Variants in TENM4 observed in about 807,000 individuals in gnomAD.
The protein encoded by TENM4 is teneurin-4.
Under a neutral mutation model 243.3 loss-of-function variants are expected in TENM4, and 82 were observed. The observed-to-expected ratio is 0.34, with a 90% CI of 0.28 to 0.40. The LOEUF (loss-of-function observed/expected upper bound fraction) is 0.40, where lower values mean the gene tolerates loss of function less well. TENM4 is among the 10% of genes least tolerant of loss of function. The pLI is 1.00. For synonymous variants in TENM4, 1,412 were observed against 1,456.3 expected (o/e 0.97, Z 0.69); for missense variants, 3,138 against 3,673.3 (o/e 0.85, Z 3.77).
chr11:79,347,359 T>G (rs1857342262), intron 1 of TENM4, among the ~76,000 whole-genome samples: 1 of 152,202 alleles, frequency 6.6e-6, no homozygotes, highest in African/African-American at 2.4e-5. Flanking sequence ...CTGCATTTTC[T>G]TAACCATTCA....
Position 78,866,857 on chromosome 11 carries a change from G to A in TENM4, c.1085-3725C>T, listed in dbSNP as rs875314. ...AGGAAACCTAGGGTCACCCAACCAA[G>A]GTTGGGCTGAGAAATGGCTACCTGG... On this transcript the variant is annotated intron_variant, in intron 9 of 33. Coordinates refer to ENST00000278550, the MANE Select transcript of TENM4 (RefSeq NM_001098816.3). Among the ~76,000 whole-genome samples the A allele has an allele frequency of 2.0e-5, 3 of 152,300 alleles. No individual in the cohort carries two copies. The South Asian group carries it at 6.2e-4, about 32-fold the overall frequency.
chr11:78,922,287 C>A (rs1045871947), intron 6 of TENM4, among the ~76,000 whole-genome samples: 2 of 152,194 alleles, frequency 1.3e-5, no homozygotes, highest in Admixed American at 6.5e-5. Flanking sequence ...AATAGGAGGG[C>A]AGCCTATACC....
intron 12 of TENM4, among the ~76,000 whole-genome samples, chr11:78,850,331 C>T (rs1259281991): frequency 6.6e-6 from 1 of 152,182 alleles, no homozygotes; most frequent in Non-Finnish European, 1.5e-5. Context: ...ACTCTGGATT[C>T]TGACATCTCA....
chr11:79,381,114 AG>A (rs1159671879), intron 1 of TENM4, among the ~76,000 whole-genome samples: 2 of 152,078 alleles, frequency 1.3e-5, no homozygotes, highest in Non-Finnish European at 2.9e-5. Context: ...TGATCCGTGC[AG>A]GTCAGATAGC....
chr11:79,152,449 C>G (rs938348223), intron 3 of TENM4, among the ~76,000 whole-genome samples: 16 of 152,164 alleles, frequency 1.1e-4, no homozygotes, highest in African/African-American at 3.6e-4. Context: ...GCAAATGAAG[C>G]CTCTAGGAAA....
chr11:78,990,594 G>C (rs894906368), intron 6 of TENM4, among the ~76,000 whole-genome samples: 1 of 152,142 alleles, frequency 6.6e-6, no homozygotes, highest in Non-Finnish European at 1.5e-5. Context: ...TTGCAGAGCA[G>C]CAAATAAAGT....
intron 29 of TENM4, among the ~76,000 whole-genome samples, chr11:78,684,376 T>C (rs1045582854): frequency 3.3e-5 from 5 of 152,224 alleles, no homozygotes; most frequent in Non-Finnish European, 7.3e-5. Context: ...AGTGAGATCA[T>C]GAATATGAAG....
At chr11:79,069,152 C>A (rs560684854) in intron 5 of TENM4, among the ~76,000 whole-genome samples, 1 of 152,160 alleles carries the variant, frequency 6.6e-6, no homozygotes, top group African/African-American at 2.4e-5. Context: ...GGAGAGGGAG[C>A]CAGGCACCAG....
intron 1 of TENM4, among the ~76,000 whole-genome samples, chr11:79,336,825 T>C (rs1318015992): frequency 6.6e-6 from 1 of 152,218 alleles, no homozygotes; most frequent in Non-Finnish European, 1.5e-5. Context: ...TGCTGGTCAG[T>C]GGCCCAGGAG....
intron 1 of TENM4, among the ~76,000 whole-genome samples, chr11:79,390,737 TCA>T (rs1401872089): frequency 3.9e-5 from 6 of 152,216 alleles, no homozygotes; most frequent in Non-Finnish European, 7.3e-5. Flanking sequence ...ATCTGTGACC[TCA>T]CTCCAAGATC....
intron 1 of TENM4, among the ~76,000 whole-genome samples, chr11:79,405,847 C>CA (rs763128589): frequency 0.079 from 5,396 of 68,556 alleles, 163 homozygotes; most frequent in East Asian, 0.13. Flanking sequence ...ATTGTGATTT[C>CA]AAAAAAAAAA....
At chr11:79,435,676 C>T (rs1297162156) in intron 1 of TENM4, among the ~76,000 whole-genome samples, 2 of 152,190 alleles carry the variant, frequency 1.3e-5, no homozygotes, top group African/African-American at 4.8e-5. Flanking sequence ...TAGACCAGGA[C>T]AGGGGCTGAG....
chr11:79,046,447 C>A (rs1473668123), intron 6 of TENM4, among the ~76,000 whole-genome samples: 1 of 149,364 alleles, frequency 6.7e-6, no homozygotes, highest in African/African-American at 2.6e-5. Flanking sequence ...GATGAACTCT[C>A]CCCCCCAAAA....
chr11:78,888,271 ATATAGCCCCAG>A (rs1855588240), intron 9 of TENM4, among the ~76,000 whole-genome samples: 1 of 152,262 alleles, frequency 6.6e-6, no homozygotes. Context: ...TTGAGCCTAA[ATATAGCCCCAG>A]TATCTTCCTC....
At chr11:78,684,377 G>T (rs536394972) in intron 29 of TENM4, among the ~76,000 whole-genome samples, 1 of 152,370 alleles carries the variant, frequency 6.6e-6, no homozygotes, top group South Asian at 2.1e-4. Context: ...GTGAGATCAT[G>T]AATATGAAGA....
chr11:78,658,186 C>A lies in TENM4; in HGVS notation c.8182G>T (p.Val2728Leu). ...CCTTGCACCCGCCCTGTGCTCAGCACCTGCTGCTTCTCCCCCTCTGTCCAG... is the reference window on the plus strand; with the variant it reads ...CCTTGCACCCGCCCTGTGCTCAGCAACTGCTGCTTCTCCCCCTCTGTCCAG... ...RAWTEGEKQQVLSTGRVQGYD... is the reference protein window; with the variant it reads ...RAWTEGEKQQLLSTGRVQGYD... The change falls in exon 34 of 34, where the codon GTG becomes TTG. Residue 2728 changes from valine (V) to leucine (L), a missense_variant. Val to Leu is a conservative substitution (Grantham distance 32). Coordinates refer to ENST00000278550, the MANE Select transcript of TENM4 (RefSeq NM_001098816.3). 6.2e-7 allele frequency: 1 copy of A among 1,614,042 alleles called. No homozygotes were observed. The highest frequency in any genetic ancestry group is 1.1e-5 in the South Asian group (1 of 91,082).
At chr11:78,949,286 T>C (rs1446424443) in intron 6 of TENM4, among the ~76,000 whole-genome samples, 1 of 152,184 alleles carries the variant, frequency 6.6e-6, no homozygotes, top group African/African-American at 2.4e-5. Flanking sequence ...AGGCCCTTCC[T>C]TGAGGGCAGG....
chr11:79,031,494 GAGA>G (rs1372017033), intron 6 of TENM4, among the ~76,000 whole-genome samples: 1 of 152,190 alleles, frequency 6.6e-6, no homozygotes, highest in Non-Finnish European at 1.5e-5. Context: ...CTCAGGATCA[GAGA>G]AGGAGAAGGG....
intron 18 of TENM4, among the ~76,000 whole-genome samples, chr11:78,766,010 T>C (rs1856532943): frequency 6.6e-6 from 1 of 152,236 alleles, no homozygotes; most frequent in Non-Finnish European, 1.5e-5. Flanking sequence ...ATAATTCCAA[T>C]TTTTAAAAAT....
Sources: gnomAD v4.1 joint callset for allele counts (sites outside exome capture counted in the v4.1 genomes callset) on GRCh38, gnomAD v4.1.1 for gene constraint, MANE v1.5 for transcripts, NCBI Gene and HGNC (gene_info 2026-07-23, HGNC 2026-07-21) for gene names.